Variants in U2AF2 observed in about 807,000 individuals in gnomAD.
U2AF2 encodes the protein splicing factor U2AF 65 kDa subunit.
Under a neutral mutation model 52.6 loss-of-function variants are expected in U2AF2, and 6 were observed. That is an observed-to-expected ratio of 0.11 (90% confidence interval 0.06 to 0.23). The LOEUF is 0.23. Ranked by LOEUF, U2AF2 falls within the 10% of genes least tolerant of loss-of-function variation. The pLI is 1.00. For missense variants in U2AF2, 222 were observed against 677.1 expected, an observed-to-expected ratio of 0.33 and a Z score of 7.46; for synonymous variants, 284 against 258.2, an observed-to-expected ratio of 1.10 and a Z score of -0.96.
At chr19:55,662,471 C>CA in intron 5 of U2AF2, 31 bp from the exon 6 acceptor site, 2 of 1,088,070 alleles carry the variant, frequency 1.8e-6, no homozygotes, top group Non-Finnish European at 2.6e-6. Context: ...CCTTCCCCCG[C>CA]CCCCCCCCTT....
intron 1 of U2AF2, 135 bp from the exon 2 acceptor site, chr19:55,659,075 C>G: frequency 1.5e-6 from 2 of 1,314,954 alleles, no homozygotes; most frequent in Non-Finnish European, 2.0e-6. Context: ...CCTGTTAATT[C>G]CCTTCCTCCA....
At chr19:55,664,079 C>T (rs1406015537) in intron 7 of U2AF2, 1 of 264,418 alleles carries the variant, frequency 3.8e-6, no homozygotes, top group Non-Finnish European at 7.3e-6. Flanking sequence ...AGGGCTCAGT[C>T]TGTGCCCGTC....
intron 1 of U2AF2, 142 bp downstream of exon 1, chr19:55,655,295 T>G: frequency 1.1e-6 from 1 of 913,704 alleles, no homozygotes; most frequent in South Asian, 1.8e-5. Flanking sequence ...GCGCGCCTCG[T>G]TCACGTGACG....
chr19:55,656,698 A>G (rs1417115781), intron 1 of U2AF2, among the ~76,000 whole-genome samples: 1 of 152,164 alleles, frequency 6.6e-6, no homozygotes, highest in East Asian at 1.9e-4. Flanking sequence ...TCTACTGGGG[A>G]GGAAACTGAG....
At position 55,674,394 on chromosome 19, in the gene U2AF2, C is replaced by G. The variant is rs2122140127; in HGVS notation, c.*326C>G. 1 of 304,512 alleles carries G rather than the reference C, an allele frequency of 3.3e-6. No homozygotes were observed. Among genetic ancestry groups the G allele is most frequent in the Non-Finnish European group, 6.3e-6 (1 of 159,948 alleles). 18.9% of individuals were successfully genotyped at this position (304,512 alleles called of 1,614,324 possible). On this transcript the variant is annotated 3_prime_UTR_variant, in exon 12 of 12. Coordinates refer to ENST00000308924, the MANE Select transcript of U2AF2 (RefSeq NM_007279.3). ...CCCAGCCCCTCCCAAAACAGCCTCT[C>G]CTTCTCCCATAGACCCCTTTCTTCT...
intron 11 of U2AF2, 55 bp downstream of exon 11, chr19:55,669,747 C>T (rs756060559): frequency 4.3e-5 from 65 of 1,517,134 alleles, no homozygotes; most frequent in East Asian, 4.2e-4. Context: ...CTCTTCTCCG[C>T]GCCCTCTTTC....
At chr19:55,660,028 A>G in intron 2 of U2AF2, 149 bp from the exon 3 acceptor site, 1 of 612,266 alleles carries the variant, frequency 1.6e-6, no homozygotes, top group South Asian at 2.4e-5. Context: ...TTGGGGGGAA[A>G]TGGCAGGGCC....
Position 55,660,140 on chromosome 19 carries a change from G to A in U2AF2, c.186-37G>A, listed in dbSNP as rs373966614. 105 of 1,586,818 alleles carry A rather than the reference G, an allele frequency of 6.6e-5. 1 individual carries two copies. The highest frequency in any genetic ancestry group is 3.9e-4 in the South Asian group (35 of 88,770). On this transcript the variant is annotated intron_variant, in intron 2 of 11. Coordinates refer to ENST00000308924, the MANE Select transcript of U2AF2 (RefSeq NM_007279.3). The stretch of plus-strand genomic sequence containing the variant: ...CATGTGGGGAAGACGAGGGTCCCCA[G>A]TCACCCCTCCCCATACCTTTCCCTC...
rs530483210 is a variant in U2AF2, at chr19:55,655,188, G to A, written c.49+35G>A. The stretch of plus-strand genomic sequence containing the variant: ...CCGGGGTCGCGGGGCGGAGGTGTGG[G>A]CGGCTCCTCGCGTCGCTCTTTGCCC... On this transcript the variant is annotated intron_variant, in intron 1 of 11. Transcript: ENST00000308924. 5.0e-6 allele frequency: 8 copies of A among 1,588,916 alleles called. No homozygotes were observed. In the African/African-American group the frequency reaches 8.3e-5, roughly 17 times the overall value.
Position 55,669,085 on chromosome 19 carries a change from C to T in U2AF2, c.948C>T (p.Ala316=), listed in dbSNP as rs754123557. 1.2e-6 allele frequency: 2 copies of T among 1,613,002 alleles called. No individual in the cohort carries two copies. The highest frequency in any genetic ancestry group is 2.7e-5 in the African/African-American group (2 of 75,020). ...GACCCCTCATCCTCCAAACACAGGCCATTGCGGGGCTGAACGGCATGCAGC... is the reference window on the plus strand; with the variant it reads ...GACCCCTCATCCTCCAAACACAGGCTATTGCGGGGCTGAACGGCATGCAGC... ...EYVDINVTDQ[A]IAGLNGMQLG... is the part of the protein sequence containing the mutation. The change falls in exon 10 of 12, where the codon GCC becomes GCT. Residue 316 remains alanine (A), a splice_region_variant and synonymous_variant. Coordinates refer to ENST00000308924, the MANE Select transcript of U2AF2 (RefSeq NM_007279.3).
intron 7 of U2AF2, among the ~76,000 whole-genome samples, chr19:55,666,772 A>G (rs558771584): frequency 2.6e-5 from 4 of 152,344 alleles, no homozygotes; most frequent in African/African-American, 9.6e-5. Flanking sequence ...GTGTTGCTCA[A>G]GTGAGACGGG....
In U2AF2 at chr19:55,661,102, C is replaced by A. The variant is rs776054024; in HGVS notation, c.399C>A (p.Thr133=). Reference sequence around the variant, plus strand: ...TGACCCCTGACGGTCTGGCTGTGACCCCAACGCCGGTGCCCGTGGTCGGGA... The same window carrying A: ...TGACCCCTGACGGTCTGGCTGTGACACCAACGCCGGTGCCCGTGGTCGGGA... ...PTMTPDGLAV[T]PTPVPVVGSQ... Residue 133 remains threonine, a synonymous_variant, in exon 5 of 12, where the codon ACC becomes ACA. Transcript: ENST00000308924. The A allele has an allele frequency of 2.5e-6, 4 of 1,612,714 alleles. No individual in the cohort carries two copies. In the East Asian group the frequency reaches 8.9e-5, roughly 36 times the overall value.
chr19:55,666,416 A>G (rs1390847586), intron 7 of U2AF2, among the ~76,000 whole-genome samples: 1 of 152,072 alleles, frequency 6.6e-6, no homozygotes, highest in Non-Finnish European at 1.5e-5. Flanking sequence ...GAGTGGAGGA[A>G]CTCAAGACTC....
chr19:55,668,389 C>T lies in U2AF2; in HGVS notation c.743-118C>T, dbSNP rs1485441224. ...GGGGTGGGCACGTGGCGACCCCTCC[C>T]TCGTCAGATCAGGCAGGAAGTGTTC... On this transcript the variant is annotated intron_variant, in intron 7 of 11. Transcript: ENST00000308924. The surrounding 1 kb of genome is among the most constrained non-coding windows in gnomAD (Gnocchi z 5.5). The T allele has an allele frequency of 1.9e-6, 2 of 1,053,996 alleles. No homozygotes were observed. Among genetic ancestry groups the T allele is most frequent in the African/African-American group, 3.2e-5 (2 of 61,734 alleles). The allele number at this position is 1,053,996 out of a possible 1,614,324, so 65.3% of individuals were successfully genotyped here.
chr19:55,660,738 A>G, intron 4 of U2AF2, 119 bp downstream of exon 4: 3 of 1,018,486 alleles, frequency 2.9e-6, no homozygotes, highest in Non-Finnish European at 4.3e-6. Flanking sequence ...AGGGTTGCAC[A>G]CCCCTGGGGG....
chr19:55,658,619 T>G (rs1426713245), intron 1 of U2AF2, among the ~76,000 whole-genome samples: 1 of 152,124 alleles, frequency 6.6e-6, no homozygotes, highest in Non-Finnish European at 1.5e-5. Context: ...TCTTTCCCCT[T>G]CAGTCTGCAG....
At chr19:55,664,052 C>T (rs540823987) in intron 7 of U2AF2, 13 of 301,264 alleles carry the variant, frequency 4.3e-5, no homozygotes, top group African/African-American at 2.4e-4. Flanking sequence ...GCCTGCGTTG[C>T]GGCTGTGGGA....
At chr19:55,661,456 G>A (rs549668254) in intron 5 of U2AF2, 7 of 434,616 alleles carry the variant, frequency 1.6e-5, no homozygotes, top group African/African-American at 8.4e-5. Context: ...ATGTACCCAC[G>A]TGTTGTACCT....
At chr19:55,673,417 C>T (rs1985056160) in intron 11 of U2AF2, among the ~76,000 whole-genome samples, 1 of 151,600 alleles carries the variant, frequency 6.6e-6, no homozygotes, top group African/African-American at 2.4e-5. Flanking sequence ...TGTATCCTTC[C>T]CTCCCTCCAT....
Sources: gnomAD v4.1 joint callset for allele counts (sites outside exome capture counted in the v4.1 genomes callset) on GRCh38, gnomAD v4.1.1 for gene constraint, Gnocchi (gnomAD v3.1) non-coding constraint, MANE v1.5 for transcripts, NCBI Gene and HGNC (gene_info 2026-07-23, HGNC 2026-07-21) for gene names.